AMMECR1: variants seen among roughly 807,000 people sequenced by gnomAD.
AMMECR1 encodes the protein AMMECR nuclear protein 1, also known as nuclear protein AMMECR1.
A neutral mutation model predicts 22.5 loss-of-function variants in AMMECR1; 3 were observed. The observed-to-expected ratio is 0.13, with a 90% CI of 0.06 to 0.35. The LOEUF (loss-of-function observed/expected upper bound fraction) is 0.35, where lower values mean the gene tolerates loss of function less well. Among genes scored for constraint, AMMECR1 ranks in the 10% least tolerant of loss-of-function variants. AMMECR1 has a pLI of 1.00. For missense variants in AMMECR1, 235 were observed against 278.7 expected, an observed-to-expected ratio of 0.84 and a Z score of 1.12; for synonymous variants, 130 against 116.7, an observed-to-expected ratio of 1.11 and a Z score of -0.74.
intron 2 of AMMECR1, among the ~76,000 whole-genome samples, chrX:110,393,728 C>T (rs750242081): frequency 4.5e-5 from 5 of 112,085 alleles, no homozygotes; most frequent in East Asian, 2.8e-4. Flanking sequence ...TTAGTTATCA[C>T]GTTAATGGGG....
chrX:110,407,135 A>G (rs1419863464), intron 2 of AMMECR1, among the ~76,000 whole-genome samples: 4 of 112,269 alleles, frequency 3.6e-5, no homozygotes, highest in African/African-American at 1.3e-4. Context: ...ATTTTATAGG[A>G]AAGTGGGAAC....
chrX:110,424,888 C>T (rs1316440389), intron 2 of AMMECR1, among the ~76,000 whole-genome samples: 1 of 111,623 alleles, frequency 9.0e-6, no homozygotes, highest in Admixed American at 9.5e-5. Context: ...TAGTCATAGT[C>T]ACCATTTATT....
At chrX:110,413,893 C>A (rs188541879) in intron 2 of AMMECR1, among the ~76,000 whole-genome samples, 74 of 111,561 alleles carry the variant, frequency 6.6e-4, no homozygotes, top group African/African-American at 2.3e-3. Flanking sequence ...CTTATGACAT[C>A]ATTTCAGTAA....
At position 110,396,649 on chromosome X, in the gene AMMECR1, C is replaced by G. The variant is rs750673039; in HGVS notation, c.-148+30009G>C. On this transcript the variant is annotated intron_variant, in intron 2 of 7. Transcript: ENST00000372057. ...TAGGTAAGCAGGGGGCCAGATTCCC[C>G]TCTCCCTGTTTTACAAAGAAGAATG... Among the ~76,000 whole-genome samples, 9 of 112,049 alleles carry G rather than the reference C, an allele frequency of 8.0e-5. No homozygotes were observed. In the South Asian group the frequency reaches 3.4e-3, roughly 42 times the overall value.
intron 1 of AMMECR1, among the ~76,000 whole-genome samples, chrX:110,278,497 G>A (rs1425853937): frequency 9.0e-6 from 1 of 111,606 alleles, no homozygotes; most frequent in Non-Finnish European, 1.9e-5. Flanking sequence ...AAGGATAATT[G>A]CTTACTTATA....
At chrX:110,286,846 T>C (rs752110397) in intron 1 of AMMECR1, among the ~76,000 whole-genome samples, 4 of 111,193 alleles carry the variant, frequency 3.6e-5, no homozygotes, top group Non-Finnish European at 5.7e-5. Context: ...CTACTGAATT[T>C]TGATACCAGT....
At chrX:110,273,858 C>T (rs2067811966) in intron 1 of AMMECR1, among the ~76,000 whole-genome samples, 1 of 112,211 alleles carries the variant, frequency 8.9e-6, no homozygotes, top group African/African-American at 3.2e-5. Flanking sequence ...GTACCAGTAT[C>T]ATGCTGTTTT....
chrX:110,224,878 G>A (rs1334347249), intron 2 of AMMECR1: 6 of 293,911 alleles, frequency 2.0e-5, no homozygotes, highest in African/African-American at 1.7e-4. Context: ...AATGAGAGAT[G>A]AGAGATTCCA....
At chrX:110,345,501 A>AT (rs1187439720) in intron 2 of AMMECR1, among the ~76,000 whole-genome samples, 73 of 107,236 alleles carry the variant, frequency 6.8e-4, no homozygotes, top group Non-Finnish European at 1.2e-3. Flanking sequence ...TAATAAAAAA[A>AT]ATATATATAT....
chrX:110,227,720 C>A (rs2067541166), intron 2 of AMMECR1, among the ~76,000 whole-genome samples: 1 of 111,898 alleles, frequency 8.9e-6, no homozygotes, highest in Admixed American at 9.4e-5. Context: ...GCCTTCACTG[C>A]TACCTAGTGC....
chrX:110,435,922 T>C (rs1038120245), intron 1 of AMMECR1, among the ~76,000 whole-genome samples: 8 of 112,654 alleles, frequency 7.1e-5, no homozygotes, highest in Admixed American at 5.6e-4. Context: ...GTATTATTAC[T>C]GTCTCCATTT....
chrX:110,296,079 A>C, intron 1 of AMMECR1, among the ~76,000 whole-genome samples: 1 of 112,123 alleles, frequency 8.9e-6, no homozygotes, highest in Admixed American at 9.5e-5. Flanking sequence ...ATTACCTTTC[A>C]TATTTCTTCC....
chrX:110,411,965 A>G (rs1405614752), intron 2 of AMMECR1, among the ~76,000 whole-genome samples: 2 of 112,787 alleles, frequency 1.8e-5, no homozygotes, highest in Non-Finnish European at 3.7e-5. Context: ...CTGTAGACCA[A>G]TGAGAAGATA....
At chrX:110,364,812 T>C (rs995278180) in intron 2 of AMMECR1, among the ~76,000 whole-genome samples, 3 of 112,194 alleles carry the variant, frequency 2.7e-5, no homozygotes, top group Non-Finnish European at 5.6e-5. Context: ...TACCGAAGAA[T>C]GTCTAATCAT....
intron 2 of AMMECR1, among the ~76,000 whole-genome samples, chrX:110,352,892 C>G (rs1258451486): frequency 8.9e-6 from 1 of 112,122 alleles, no homozygotes; most frequent in Non-Finnish European, 1.9e-5. Context: ...ATGTTAGCCA[C>G]TGGACCAAAC....
chrX:110,359,000 C>T (rs1400565304), intron 2 of AMMECR1: 1 of 111,885 alleles, frequency 8.9e-6, no homozygotes, highest in Non-Finnish European at 1.9e-5. Context: ...GCTCTAAGTA[C>T]TTTATAAGTA....
chrX:110,318,681 A>T (rs1297443489), upstream of AMMECR1, among the ~76,000 whole-genome samples: 2 of 111,087 alleles, frequency 1.8e-5, no homozygotes, highest in Non-Finnish European at 3.8e-5. Context: ...AGAGCTCCAT[A>T]CCTGAGACCG....
At chrX:110,281,543 C>A in intron 1 of AMMECR1, among the ~76,000 whole-genome samples, 1 of 112,034 alleles carries the variant, frequency 8.9e-6, no homozygotes, top group Non-Finnish European at 1.9e-5. Context: ...GTGCTTTATT[C>A]CTAACAGGCT....
At chrX:110,431,353 G>GTC (rs1259086600) in intron 1 of AMMECR1, among the ~76,000 whole-genome samples, 1 of 109,741 alleles carries the variant, frequency 9.1e-6, no homozygotes, top group Admixed American at 9.7e-5. Flanking sequence ...GTGTGTGTGT[G>GTC]TGCTGGCTGA....
Sources: allele counts gnomAD v4.1 joint callset (sites outside exome capture counted in the v4.1 genomes callset), GRCh38; gene constraint gnomAD v4.1.1; transcripts MANE v1.5; gene names NCBI Gene and HGNC (gene_info 2026-07-23, HGNC 2026-07-21).